Variants in CDH7 observed in about 807,000 individuals in gnomAD.
CDH7 encodes the protein cadherin-7.
In CDH7, 25 loss-of-function variants were observed where a neutral mutation model predicts 71.8. That is an observed-to-expected ratio of 0.35 (90% CI 0.25 to 0.49). CDH7 has a LOEUF of 0.49. Ranked by LOEUF, CDH7 falls within the 20% of genes least tolerant of loss-of-function variation. The pLI is 0.99. For synonymous variants in CDH7, 381 were observed against 363.8 expected (o/e 1.05, Z -0.54); for missense variants, 862 against 974.6 (o/e 0.88, Z 1.54).
At chr18:65,869,019 C>T (rs1228543899) in intron 11 of CDH7, among the ~76,000 whole-genome samples, 1 of 152,072 alleles carries the variant, frequency 6.6e-6, no homozygotes, top group African/African-American at 2.4e-5. Flanking sequence ...AAACATCAAT[C>T]CTGAGCAATT....
At chr18:65,800,489 G>C (rs1048798182) in intron 2 of CDH7, among the ~76,000 whole-genome samples, 3 of 152,162 alleles carry the variant, frequency 2.0e-5, no homozygotes, top group African/African-American at 7.2e-5. Flanking sequence ...CTGACCTGGA[G>C]TGCTGGTTGA....
At chr18:65,791,662 T>A (rs1910717284) in intron 2 of CDH7, among the ~76,000 whole-genome samples, 1 of 152,208 alleles carries the variant, frequency 6.6e-6, no homozygotes, top group Non-Finnish European at 1.5e-5. Context: ...CAAGCTTATG[T>A]CAAGACTTAT....
intron 1 of CDH7, among the ~76,000 whole-genome samples, chr18:65,753,773 A>C (rs554780136): frequency 6.6e-6 from 1 of 152,316 alleles, no homozygotes; most frequent in South Asian, 2.1e-4. Flanking sequence ...GGTTCTGCAG[A>C]AAGATACCCC....
At chr18:65,788,600 A>G (rs1737909664) in intron 2 of CDH7, among the ~76,000 whole-genome samples, 1 of 152,140 alleles carries the variant, frequency 6.6e-6, no homozygotes, top group Admixed American at 6.5e-5. Context: ...CAACTAATGC[A>G]TTTGCTTGAG....
intron 11 of CDH7, chr18:65,866,315 C>CAAAAAAAAAAAAAAAA (rs1568228989): frequency 3.0e-3 from 4 of 1,352 alleles, no homozygotes; most frequent in African/African-American, 4.5e-3. Context: ...AAAAAAAAAA[C>CAAAAAAAAAAAAAAAA]AAAAAAAAAA....
chr18:65,853,881 A>G (rs1180876975), intron 7 of CDH7, among the ~76,000 whole-genome samples: 1 of 136,710 alleles, frequency 7.3e-6, no homozygotes, highest in African/African-American at 2.6e-5. Context: ...GGAAGACATA[A>G]GGAAATGATA....
intron 10 of CDH7, 87 bp downstream of exon 10, chr18:65,859,912 A>G (rs1568225197): frequency 1.3e-6 from 1 of 783,928 alleles, no homozygotes; most frequent in East Asian, 2.5e-5. Context: ...CTGATTATGG[A>G]TTTTTTTTAA....
chr18:65,766,776 A>G lies in CDH7; in HGVS notation c.210+3724A>G, dbSNP rs770791084. 1.7e-4 allele frequency among the ~76,000 whole-genome samples: 26 copies of G among 151,334 alleles called. 1 individual carries two copies. The highest frequency in any genetic ancestry group is 3.7e-4 in the Non-Finnish European group (25 of 67,918). ...CCCCTCCCGTGGCTATTCACAGTACATAGGAGGTCCCAGTTTCCACCCATT... is the reference window on the plus strand; with the variant it reads ...CCCCTCCCGTGGCTATTCACAGTACGTAGGAGGTCCCAGTTTCCACCCATT... On this transcript the variant is annotated intron_variant, in intron 2 of 11. Coordinates refer to ENST00000397968, the MANE Select transcript of CDH7 (RefSeq NM_004361.5).
Position 65,832,521 on chromosome 18 carries a change from A to G in CDH7, c.981+7690A>G, listed in dbSNP as rs79464989. Among the ~76,000 whole-genome samples, 16 of 152,152 alleles carry G rather than the reference A, an allele frequency of 1.1e-4. No homozygotes were observed. In the East Asian group the frequency reaches 3.1e-3, roughly 29 times the overall value. ...AATGGCATAGAGTTTTTATGATTTA[A>G]TCACTCTTATACTTTAAGAATAAAC... On this transcript the variant is annotated intron_variant, in intron 6 of 11. Coordinates refer to ENST00000397968, the MANE Select transcript of CDH7 (RefSeq NM_004361.5).
intron 11 of CDH7, chr18:65,864,040 G>C (rs566327140): frequency 2.6e-5 from 4 of 152,124 alleles, no homozygotes; most frequent in African/African-American, 9.7e-5. Flanking sequence ...AAATGCTGTC[G>C]TGAAAATGGA....
At chr18:65,827,683 T>G (rs913784653) in intron 6 of CDH7, among the ~76,000 whole-genome samples, 1 of 151,956 alleles carries the variant, frequency 6.6e-6, no homozygotes, top group Non-Finnish European at 1.5e-5. Context: ...ATCTGATTTT[T>G]AAATTTTATC....
intron 6 of CDH7, among the ~76,000 whole-genome samples, chr18:65,839,665 G>T (rs952190681): frequency 6.6e-6 from 1 of 152,158 alleles, no homozygotes; most frequent in Non-Finnish European, 1.5e-5. Flanking sequence ...CATGGGTAAG[G>T]CGTTTATGGA....
At position 65,809,773 on chromosome 18, in the gene CDH7, ATTT is replaced by A. The variant is rs1911457013; in HGVS notation, c.282_284del (p.Phe95del). 2 of 1,613,904 alleles carry A rather than the reference ATTT, an allele frequency of 1.2e-6. No individual in the cohort carries two copies. Among genetic ancestry groups the A allele is most frequent in the African/African-American group, 2.7e-5 (2 of 74,884 alleles). On this transcript the variant is annotated inframe_deletion, in exon 3 of 12. Transcript: ENST00000397968. The stretch of plus-strand genomic sequence containing the variant: ...CTTGTCAGGCGAAGGGGCAAGTTCC[ATTT>A]TCATTATTGATGAGAACACTGGGGA...
Position 65,857,834 on chromosome 18 carries a change from C to G in CDH7, c.1254C>G (p.Asn418Lys), listed in dbSNP as rs1420060921. Residue 418 changes from asparagine (N) to lysine (K), a missense_variant, in exon 8 of 12, where the codon AAC becomes AAG. Physicochemically the swap from Asn to Lys is moderately conservative, Grantham distance 94. Transcript: ENST00000397968. ...CAATTAGGTACTCAATTGACAGAAA[C>G]ACAGACTTGGAGAGATACTTCAATA... ...NSPVRYSIDRNTDLERYFNID... is the reference protein window; with the variant it reads ...NSPVRYSIDRKTDLERYFNID... 1 of 1,612,760 alleles carries G rather than the reference C, an allele frequency of 6.2e-7. No individual in the cohort carries two copies. Among genetic ancestry groups the G allele is most frequent in the Admixed American group, 1.7e-5 (1 of 59,864 alleles).
At chr18:65,816,271 A>G (rs1276620130) in intron 4 of CDH7, among the ~76,000 whole-genome samples, 2 of 152,122 alleles carry the variant, frequency 1.3e-5, no homozygotes. Context: ...CATTCTGAGC[A>G]TCTTTGTCCT....
At chr18:65,867,536 GAGA>G (rs987059595) in intron 11 of CDH7, among the ~76,000 whole-genome samples, 7 of 152,028 alleles carry the variant, frequency 4.6e-5, no homozygotes, top group African/African-American at 1.4e-4. Flanking sequence ...TTTAATAAAG[GAGA>G]AGAATTTCAA....
chr18:65,774,001 T>G (rs1398101975), intron 2 of CDH7, among the ~76,000 whole-genome samples: 1 of 152,196 alleles, frequency 6.6e-6, no homozygotes, highest in African/African-American at 2.4e-5. Context: ...ATGACATGAC[T>G]TCTCAAACTG....
chr18:65,861,816 A>G (rs2087275126), intron 10 of CDH7, among the ~76,000 whole-genome samples: 1 of 152,110 alleles, frequency 6.6e-6, no homozygotes, highest in South Asian at 2.1e-4. Flanking sequence ...ATAAAAGCAC[A>G]CTGCATGAAA....
chr18:65,814,382 A>C (rs979933922), intron 3 of CDH7, 103 bp from the exon 4 acceptor site: 3 of 1,327,600 alleles, frequency 2.3e-6, no homozygotes, highest in Non-Finnish European at 3.2e-6. Flanking sequence ...GATAAATGAA[A>C]ATTTTCAAAT....
Sources: allele counts gnomAD v4.1 joint callset (sites outside exome capture counted in the v4.1 genomes callset), GRCh38; gene constraint gnomAD v4.1.1; transcripts MANE v1.5; gene names NCBI Gene and HGNC (gene_info 2026-07-23, HGNC 2026-07-21).